TMEM72: variants seen among roughly 807,000 people sequenced by gnomAD.
TMEM72 encodes transmembrane protein 72, also known as kidney-specific secretory protein of 37 kDa.
Under a neutral mutation model 16.3 loss-of-function variants are expected in TMEM72, and 9 were observed. The ratio of observed to expected loss-of-function variants is 0.55; its 90% CI spans 0.33 to 0.96. The LOEUF (loss-of-function observed/expected upper bound fraction) is 0.96. Ranked by LOEUF, TMEM72 falls within the 40% of genes least tolerant of loss-of-function variation. TMEM72 has a pLI of 0.03. For missense variants in TMEM72, 324 were observed against 337.8 expected (o/e 0.96, Z 0.32); for synonymous variants, 160 against 146.5 (o/e 1.09, Z -0.66).
Position 44,934,941 on chromosome 10 carries a change from C to T in TMEM72, c.635C>T (p.Pro212Leu), listed in dbSNP as rs1210824322. 6.2e-7 allele frequency: 1 copy of T among 1,613,922 alleles called. No individual in the cohort carries two copies. Among genetic ancestry groups the T allele is most frequent in the Non-Finnish European group, 8.5e-7 (1 of 1,179,974 alleles). The part of the protein sequence containing the change: ...PNTLMELSLE[P>L]ADSLAKKKQV... The stretch of plus-strand genomic sequence containing the variant: ...ACCCTGATGGAGCTGAGCCTGGAGC[C>T]AGCCGACTCCCTGGCCAAGAAGAAG... The change falls in exon 5 of 5, where the codon CCA (proline) becomes CTA (leucine). Residue 212 changes from proline to leucine, a missense_variant. Pro to Leu is a moderately conservative substitution (Grantham distance 98). Transcript: ENST00000389583.
chr10:44,920,808 T>G (rs2065465), intron 1 of TMEM72, among the ~76,000 whole-genome samples: 80,118 of 152,098 alleles, frequency 0.53, 21,940 homozygotes, highest in Middle Eastern at 0.62. Flanking sequence ...TTTTCCAGAA[T>G]AAGATGCAGA....
intron 3 of TMEM72, among the ~76,000 whole-genome samples, chr10:44,932,317 C>G (rs1030469108): frequency 6.6e-6 from 1 of 152,228 alleles, no homozygotes; most frequent in Non-Finnish European, 1.5e-5. Flanking sequence ...TGTCCTTGCC[C>G]AGAATCCCCA....
In TMEM72 at chr10:44,935,803, A is replaced by G. The variant is rs1028185115; in HGVS notation, c.*669A>G. On this transcript the variant is annotated 3_prime_UTR_variant, in exon 5 of 5. Transcript: ENST00000389583. ...GATGAGCAAAGCTCATTCCAGAAAC[A>G]TGGCTGGGGACTTCCAGCCTCCTTA... 3.9e-5 allele frequency: 6 copies of G among 152,388 alleles called. No homozygotes were observed. Among genetic ancestry groups the G allele is most frequent in the Middle Eastern group, 3.4e-3 (1 of 294 alleles). The allele number at this position is 152,388 out of a possible 1,614,324, so 9.4% of individuals were successfully genotyped here. A position where few individuals can be genotyped will look rare whatever the true frequency, so the allele number is the denominator to read the frequency against.
intron 3 of TMEM72, among the ~76,000 whole-genome samples, chr10:44,932,837 C>T (rs1459578806): frequency 6.6e-6 from 1 of 152,166 alleles, no homozygotes; most frequent in Non-Finnish European, 1.5e-5. Context: ...TGGACTCCAC[C>T]GCACCCTGCC....
chr10:44,927,794 GAGA>G lies in TMEM72; in HGVS notation c.71-122_71-120del, dbSNP rs1840221075. 8 of 871,356 alleles carry G rather than the reference GAGA, an allele frequency of 9.2e-6. No homozygotes were observed. The South Asian group carries it at 9.3e-5, about 10-fold the overall frequency. 54.0% of individuals were successfully genotyped at this position (871,356 alleles called of 1,614,324 possible). ...TAGTCACAGCTGCCTGTATCATGAAGAGAAGAACCTACCTTGGCTGTCAGTCCC... is the reference window on the plus strand; with the variant it reads ...TAGTCACAGCTGCCTGTATCATGAAGAGAACCTACCTTGGCTGTCAGTCCC... On this transcript the variant is annotated intron_variant, in intron 1 of 4. Coordinates refer to ENST00000389583, the MANE Select transcript of TMEM72 (RefSeq NM_001123376.3).
In TMEM72 at chr10:44,911,375, G is replaced by C; in HGVS notation, c.-138G>C. 2 of 835,278 alleles carry C rather than the reference G, an allele frequency of 2.4e-6. No individual in the cohort carries two copies. The highest frequency in any genetic ancestry group is 3.4e-5 in the South Asian group (2 of 59,482). The allele number at this position is 835,278 out of a possible 1,614,324, so 51.7% of individuals were successfully genotyped here. On this transcript the variant is annotated 5_prime_UTR_variant, in exon 1 of 5. Coordinates refer to ENST00000389583, the MANE Select transcript of TMEM72 (RefSeq NM_001123376.3). ...ACCTCGGCCAGGCTGCGGTGGCCAG[G>C]ACTGGTTTGGGAAGGCAGGGCCCCG...
intron 1 of TMEM72, among the ~76,000 whole-genome samples, chr10:44,914,072 C>T (rs778368352): frequency 2.0e-5 from 3 of 152,316 alleles, no homozygotes; most frequent in East Asian, 3.9e-4. Flanking sequence ...AAAGCACTGA[C>T]GGCACCTGGT....
chr10:44,934,738 C>G lies in TMEM72; in HGVS notation c.432C>G (p.Ala144=), dbSNP rs755299397. Residue 144 remains alanine, a synonymous_variant, in exon 5 of 5, where the codon GCC becomes GCG. Transcript: ENST00000389583. ...GGAAAGCTGCCCCCGAGGTGCTGGC[C>G]TCCCCAGAGCAGTACACAGACCCCT... The part of the protein sequence containing the change: ...KKRKAAPEVL[A]SPEQYTDPSS... The G allele has an allele frequency of 4.3e-6, 7 of 1,612,246 alleles. No individual in the cohort carries two copies. The Admixed American group carries it at 1.2e-4, about 27-fold the overall frequency.
At chr10:44,921,576 A>T (rs948554200) in intron 1 of TMEM72, among the ~76,000 whole-genome samples, 1 of 152,186 alleles carries the variant, frequency 6.6e-6, no homozygotes, top group Non-Finnish European at 1.5e-5. Context: ...CTAATCCAAA[A>T]ATCAGCTCTT....
intron 1 of TMEM72, among the ~76,000 whole-genome samples, chr10:44,924,427 T>G (rs551552056): frequency 2.6e-5 from 4 of 152,184 alleles, no homozygotes; most frequent in African/African-American, 9.6e-5. Context: ...ATCACATCTC[T>G]CCTGCTGGAC....
chr10:44,929,183 A>G (rs1225234578), intron 2 of TMEM72, among the ~76,000 whole-genome samples: 1 of 152,044 alleles, frequency 6.6e-6, no homozygotes, highest in Non-Finnish European at 1.5e-5. Flanking sequence ...CTTCTCCACT[A>G]CCAGCTACCT....
intron 1 of TMEM72, among the ~76,000 whole-genome samples, chr10:44,914,219 G>C (rs558987912): frequency 1.3e-5 from 2 of 152,226 alleles, no homozygotes. Context: ...TATCATGAGG[G>C]GTTGTAGAGC....
In TMEM72 at chr10:44,931,985, T is replaced by TCTCCACCTGC; in HGVS notation, c.138-12_138-3dup. On this transcript the variant is annotated splice_polypyrimidine_tract_variant and intron_variant, in intron 2 of 4. Transcript: ENST00000389583. The stretch of plus-strand genomic sequence containing the variant: ...CAGAGGCGCCAGCCTCCCTCACCTG[T>TCTCCACCTGC]CTCCACCTGCAGGTTTACAGGAGCC... 3 of 1,610,734 alleles carry TCTCCACCTGC rather than the reference T, an allele frequency of 1.9e-6. No homozygotes were observed. Among genetic ancestry groups the TCTCCACCTGC allele is most frequent in the Non-Finnish European group, 1.7e-6 (2 of 1,178,496 alleles).
chr10:44,929,833 C>G (rs1004062636), intron 2 of TMEM72, among the ~76,000 whole-genome samples: 10 of 152,270 alleles, frequency 6.6e-5, no homozygotes, highest in African/African-American at 2.4e-4. Flanking sequence ...CCCATTTCCA[C>G]CTGCCCAATG....
intron 3 of TMEM72, among the ~76,000 whole-genome samples, chr10:44,932,570 C>T (rs1277233222): frequency 1.3e-5 from 2 of 152,156 alleles, no homozygotes; most frequent in Non-Finnish European, 2.9e-5. Context: ...TGCTTCCCAG[C>T]CTACACTCAG....
intron 1 of TMEM72, among the ~76,000 whole-genome samples, chr10:44,922,274 G>A (rs183516821): frequency 3.3e-5 from 5 of 152,272 alleles, no homozygotes; most frequent in Non-Finnish European, 7.3e-5. Flanking sequence ...GGGAACAGAC[G>A]CTCAGCAGAC....
In TMEM72 at chr10:44,933,736, C is replaced by T. The variant is rs769341338; in HGVS notation, c.309C>T (p.Cys103=). ...CCTACCTGCTGCTGTCGGTGGCCTG[C>T]TTCCTCCACCCGGTCCTGGTCTGGC... ...FLAYLLLSVA[C]FLHPVLVWHV... Residue 103 remains cysteine (C), a synonymous_variant, in exon 4 of 5, where the codon TGC becomes TGT. Transcript: ENST00000389583. The T allele has an allele frequency of 8.1e-6, 13 of 1,614,122 alleles. No homozygotes were observed. The highest frequency in any genetic ancestry group is 1.1e-5 in the Non-Finnish European group (13 of 1,179,980).
chr10:44,929,936 C>A (rs1258692011), intron 2 of TMEM72, among the ~76,000 whole-genome samples: 1 of 152,262 alleles, frequency 6.6e-6, no homozygotes, highest in Admixed American at 6.5e-5. Context: ...GTTCTGAACA[C>A]CCTCCGTGTC....
At chr10:44,934,564 G>C (rs1840361271) in intron 4 of TMEM72, 92 bp from the exon 5 acceptor site, 1 of 1,306,982 alleles carries the variant, frequency 7.7e-7, no homozygotes, top group African/African-American at 1.5e-5. Flanking sequence ...CACAGCGCCG[G>C]GTTGCAGGAG....
Sources: allele counts gnomAD v4.1 joint callset (sites outside exome capture counted in the v4.1 genomes callset), GRCh38; gene constraint gnomAD v4.1.1; transcripts MANE v1.5; gene names NCBI Gene and HGNC (gene_info 2026-07-23, HGNC 2026-07-21).